Variants in PCDHGB4 observed in about 807,000 individuals in gnomAD.
The protein encoded by PCDHGB4 is protocadherin gamma subfamily B, 4.
Under a neutral mutation model 60.5 loss-of-function variants are expected in PCDHGB4, and 38 were observed. The observed-to-expected ratio is 0.63, with a 90% confidence interval of 0.48 to 0.82. PCDHGB4 has a LOEUF of 0.82. Among genes scored for constraint, PCDHGB4 ranks in the 40% least tolerant of loss-of-function variants. PCDHGB4 has a pLI of 0.00. For missense variants in PCDHGB4, 1,109 were observed against 1,209.6 expected, an observed-to-expected ratio of 0.92 and a Z score of 1.23; for synonymous variants, 456 against 509.7, an observed-to-expected ratio of 0.89 and a Z score of 1.42.
intron 1 of PCDHGB4, among the ~76,000 whole-genome samples, chr5:141,453,510 T>C (rs11958830): frequency 0.2 from 30,607 of 152,026 alleles, 3,435 homozygotes; most frequent in African/African-American, 0.31. Flanking sequence ...AAAATTGTCA[T>C]TCCTCCCCTA....
intron 1 of PCDHGB4, among the ~76,000 whole-genome samples, chr5:141,447,542 T>G (rs980012061): frequency 1.3e-5 from 2 of 152,216 alleles, no homozygotes; most frequent in African/African-American, 4.8e-5. Context: ...TGGGTTTTAA[T>G]GTTATGAGTA....
intron 1 of PCDHGB4, chr5:141,421,033 C>T (rs915028623): frequency 2.4e-5 from 13 of 533,788 alleles, no homozygotes; most frequent in Non-Finnish European, 6.5e-6. Context: ...CCATTGAGTC[C>T]CTCCCTCCCC....
chr5:141,454,796 A>ATTTTTTTT (rs61612330), intron 1 of PCDHGB4, among the ~76,000 whole-genome samples: 1,488 of 77,444 alleles, frequency 0.019, 251 homozygotes, highest in African/African-American at 0.042. Flanking sequence ...CATGGTTCTA[A>ATTTTTTTT]TTTTTTTTTT....
rs766092387 is a variant in PCDHGB4 at position 141,491,171 on chromosome 5, T to C, written c.2398-3636T>C. 7.4e-6 allele frequency: 12 copies of C among 1,613,968 alleles called. No individual in the cohort carries two copies. The highest frequency in any genetic ancestry group is 1.3e-5 in the African/African-American group (1 of 74,904). On this transcript the variant is annotated intron_variant, in intron 1 of 3. Coordinates refer to ENST00000519479, the MANE Select transcript of PCDHGB4 (RefSeq NM_003736.4). The surrounding 1 kb of genome is among the most constrained non-coding windows in gnomAD (Gnocchi z 6.9). The stretch of plus-strand genomic sequence containing the variant: ...GAGGATGACTCTGACACCCAGCAGG[T>C]GGTGGTCCTGGTGAGGGACAATGGT...
intron 1 of PCDHGB4, chr5:141,400,754 C>A (rs6880273): frequency 0.26 from 150,367 of 588,610 alleles, 21,664 homozygotes; most frequent in African/African-American, 0.5. Context: ...TTAGCTTCCT[C>A]TCTAGCAAAA....
chr5:141,404,018 G>A (rs1280619437), intron 1 of PCDHGB4: 1 of 1,613,864 alleles, frequency 6.2e-7, no homozygotes, highest in African/African-American at 1.3e-5. Flanking sequence ...GTTTAGCCCA[G>A]TGAGAGAAGA....
intron 1 of PCDHGB4, chr5:141,395,547 TGTGTGTGTGTGTGTGTG>T (rs2093270399): frequency 1.4e-4 from 25 of 174,246 alleles, no homozygotes; most frequent in Middle Eastern, 2.2e-3. Context: ...ATTGTTTGTG[TGTGTGTGTGTGTGTGTG>T]TGTGTGTGTG....
chr5:141,418,527 G>A, intron 1 of PCDHGB4: 2 of 1,614,018 alleles, frequency 1.2e-6, no homozygotes, highest in South Asian at 1.1e-5. Flanking sequence ...CCTCCCCGAA[G>A]CGGTACTGCT....
chr5:141,459,025 A>C (rs2098959135), intron 1 of PCDHGB4, among the ~76,000 whole-genome samples: 1 of 152,336 alleles, frequency 6.6e-6, no homozygotes, highest in Non-Finnish European at 1.5e-5. Flanking sequence ...GAGCCACCAC[A>C]TCCAGCCTTA....
Position 141,491,739 on chromosome 5 carries a change from C to T in PCDHGB4, c.2398-3068C>T. ...CGCCGCCCCGGGCGACCCCTGGGGG[C>T]GGCACTGGAGAAGCCGCCCGTCCTC... On this transcript the variant is annotated intron_variant, in intron 1 of 3. Transcript: ENST00000519479. This position sits in a 1 kb window ranked among gnomAD's most constrained non-coding sequence, Gnocchi z 6.9. The T allele has an allele frequency of 1.3e-6, 2 of 1,599,004 alleles. No individual in the cohort carries two copies. Among genetic ancestry groups the T allele is most frequent in the East Asian group, 2.3e-5 (1 of 44,194 alleles).
chr5:141,443,708 T>G (rs2098400247), intron 1 of PCDHGB4, among the ~76,000 whole-genome samples: 1 of 152,192 alleles, frequency 6.6e-6, no homozygotes, highest in Non-Finnish European at 1.5e-5. Context: ...GAATAACATT[T>G]GCATATAAAA....
intron 2 of PCDHGB4, among the ~76,000 whole-genome samples, chr5:141,497,540 C>A (rs866982821): frequency 7.4e-6 from 1 of 134,944 alleles, no homozygotes; most frequent in African/African-American, 2.8e-5. Context: ...TGCAACAAAC[C>A]TTTTTTTTTT....
At chr5:141,508,588 C>G (rs1721443459) in intron 3 of PCDHGB4, among the ~76,000 whole-genome samples, 1 of 152,176 alleles carries the variant, frequency 6.6e-6, no homozygotes, top group African/African-American at 2.4e-5. Context: ...GGGTGCTACT[C>G]AGAGATCTTG....
chr5:141,452,968 A>G (rs1028716079), intron 1 of PCDHGB4, among the ~76,000 whole-genome samples: 3 of 152,210 alleles, frequency 2.0e-5, no homozygotes, highest in Non-Finnish European at 4.4e-5. Flanking sequence ...AACTGAGGGT[A>G]TATTGTCAAA....
At chr5:141,423,631 T>G (rs1452661307) in intron 1 of PCDHGB4, 2 of 1,603,990 alleles carry the variant, frequency 1.2e-6, no homozygotes, top group African/African-American at 2.7e-5. Flanking sequence ...AGCTATCATT[T>G]TAGGCAAATG....
At chr5:141,403,746 C>T (rs773668506) in intron 1 of PCDHGB4, 1 of 1,613,904 alleles carries the variant, frequency 6.2e-7, no homozygotes, top group South Asian at 1.1e-5. Context: ...CTTACTGCAA[C>T]AGCCAGCGAC....
At chr5:141,450,770 AG>A (rs1354382498) in intron 1 of PCDHGB4, among the ~76,000 whole-genome samples, 1 of 151,448 alleles carries the variant, frequency 6.6e-6, no homozygotes, top group Non-Finnish European at 1.5e-5. Context: ...TACAGGCATG[AG>A]CCACCGTGCC....
At position 141,491,753 on chromosome 5, in the gene PCDHGB4, C is replaced by T. The variant is rs373728953; in HGVS notation, c.2398-3054C>T. On this transcript the variant is annotated intron_variant, in intron 1 of 3. Coordinates refer to ENST00000519479, the MANE Select transcript of PCDHGB4 (RefSeq NM_003736.4). The surrounding 1 kb of genome is among the most constrained non-coding windows in gnomAD (Gnocchi z 6.9). ...ACCCCTGGGGGCGGCACTGGAGAAGCCGCCCGTCCTCATAAGGGATTGAAC... is the reference window on the plus strand; with the variant it reads ...ACCCCTGGGGGCGGCACTGGAGAAGTCGCCCGTCCTCATAAGGGATTGAAC... 4 of 1,585,146 alleles carry T rather than the reference C, an allele frequency of 2.5e-6. No homozygotes were observed. Among genetic ancestry groups the T allele is most frequent in the East Asian group, 2.3e-5 (1 of 43,412 alleles).
chr5:141,438,627 T>TATAC (rs2098031123), intron 1 of PCDHGB4, among the ~76,000 whole-genome samples: 4 of 48,012 alleles, frequency 8.3e-5, no homozygotes, highest in Admixed American at 6.2e-4. Flanking sequence ...TATATATATA[T>TATAC]ATATATATAC....
Sources: allele counts gnomAD v4.1 joint callset (sites outside exome capture counted in the v4.1 genomes callset), GRCh38; gene constraint gnomAD v4.1.1; non-coding constraint Gnocchi (gnomAD v3.1); transcripts MANE v1.5; gene names NCBI Gene and HGNC (gene_info 2026-07-23, HGNC 2026-07-21).